LIMA1: variants seen among roughly 807,000 people sequenced by gnomAD.
LIMA1 encodes the protein LIM domain and actin binding 1.
LIMA1 carries 52 observed loss-of-function variants against 62.6 expected under a neutral mutation model. The observed-to-expected ratio is 0.83, with a 90% CI of 0.67 to 1.05. The LOEUF (loss-of-function observed/expected upper bound fraction) is 1.05. LIMA1 is among the 50% of genes least tolerant of loss of function. The pLI is 0.00. For synonymous variants in LIMA1, 302 were observed against 317.8 expected (o/e 0.95, Z 0.53); for missense variants, 780 against 902.2 (o/e 0.86, Z 1.74).
At chr12:50,178,725 A>C (rs568120222) in intron 10 of LIMA1, among the ~76,000 whole-genome samples, 1 of 152,038 alleles carries the variant, frequency 6.6e-6, no homozygotes, top group East Asian at 1.9e-4. Flanking sequence ...TTTGCGAGTG[A>C]TAATCTTCCT....
intron 5 of LIMA1, among the ~76,000 whole-genome samples, chr12:50,205,332 C>G (rs1941131798): frequency 6.6e-6 from 1 of 151,708 alleles, no homozygotes; most frequent in Non-Finnish European, 1.5e-5. Flanking sequence ...CTCAGCCTCC[C>G]TAAGTGCTGA....
chr12:50,277,183 A>G (rs1171078710), intron 1 of LIMA1, among the ~76,000 whole-genome samples: 1 of 152,056 alleles, frequency 6.6e-6, no homozygotes, highest in Non-Finnish European at 1.5e-5. Flanking sequence ...AGTCTATGGG[A>G]GTGCCTAAAA....
chr12:50,217,261 T>A (rs1941359323), intron 4 of LIMA1, among the ~76,000 whole-genome samples: 1 of 152,046 alleles, frequency 6.6e-6, no homozygotes, highest in African/African-American at 2.4e-5. Context: ...ACAGGTGTAT[T>A]CCCTTCAGAA....
intron 1 of LIMA1, among the ~76,000 whole-genome samples, chr12:50,280,635 T>C (rs1380924467): frequency 6.6e-6 from 1 of 152,204 alleles, no homozygotes; most frequent in African/African-American, 2.4e-5. Context: ...TCCATCCTTT[T>C]TATGAAAAGA....
chr12:50,178,966 A>ATTTTTTTTTTT (rs1555203081), intron 10 of LIMA1, among the ~76,000 whole-genome samples: 4 of 128,930 alleles, frequency 3.1e-5, no homozygotes, highest in Non-Finnish European at 5.3e-5. Context: ...ATATATATAT[A>ATTTTTTTTTTT]TTTTTTTTTT....
At chr12:50,269,454 AT>A (rs1389394656) in intron 1 of LIMA1, among the ~76,000 whole-genome samples, 3 of 152,158 alleles carry the variant, frequency 2.0e-5, no homozygotes, top group Admixed American at 6.5e-5. Context: ...CGTACATGAT[AT>A]TTCAGGGTCA....
intron 6 of LIMA1, among the ~76,000 whole-genome samples, chr12:50,204,078 G>T (rs545486685): frequency 1.3e-5 from 2 of 152,056 alleles, no homozygotes; most frequent in Non-Finnish European, 2.9e-5. Flanking sequence ...TTTATATTAT[G>T]TGAGTTATAT....
intron 7 of LIMA1, among the ~76,000 whole-genome samples, chr12:50,197,320 T>C (rs1041012605): frequency 6.6e-6 from 1 of 152,138 alleles, no homozygotes; most frequent in Non-Finnish European, 1.5e-5. Flanking sequence ...TCTGCCCACC[T>C]TGGCCTCCCA....
intron 4 of LIMA1, among the ~76,000 whole-genome samples, chr12:50,220,749 C>T (rs1002687262): frequency 2.0e-5 from 3 of 152,052 alleles, no homozygotes; most frequent in Non-Finnish European, 4.4e-5. Flanking sequence ...TAAATTAAAA[C>T]CATAAAGGGG....
chr12:50,233,532 T>G (rs544779487), intron 2 of LIMA1, among the ~76,000 whole-genome samples: 2 of 152,350 alleles, frequency 1.3e-5, no homozygotes, highest in African/African-American at 4.8e-5. Flanking sequence ...TACATGGTTT[T>G]GTTTTGTTTG....
intron 3 of LIMA1, among the ~76,000 whole-genome samples, chr12:50,228,475 T>A (rs1941564677): frequency 6.6e-6 from 1 of 152,198 alleles, no homozygotes; most frequent in Non-Finnish European, 1.5e-5. Flanking sequence ...TAGAAACACT[T>A]TCTTCACTCG....
chr12:50,191,629 G>A (rs1332454216), intron 9 of LIMA1, among the ~76,000 whole-genome samples: 6 of 151,996 alleles, frequency 3.9e-5, no homozygotes, highest in African/African-American at 7.3e-5. Flanking sequence ...AGACCATCCC[G>A]GCTAACACGG....
At chr12:50,194,421 T>C (rs1359611268) in intron 8 of LIMA1, among the ~76,000 whole-genome samples, 1 of 152,074 alleles carries the variant, frequency 6.6e-6, no homozygotes, top group East Asian at 1.9e-4. Flanking sequence ...CTCAGTGTCC[T>C]GAGTAGCTGG....
At chr12:50,221,278 G>A (rs1216559005) in intron 4 of LIMA1, among the ~76,000 whole-genome samples, 1 of 152,134 alleles carries the variant, frequency 6.6e-6, no homozygotes, top group Admixed American at 6.6e-5. Flanking sequence ...ATATAGGAAA[G>A]TATGAGAAAA....
At chr12:50,245,143 A>T (rs1316207854) in intron 2 of LIMA1, among the ~76,000 whole-genome samples, 4 of 152,184 alleles carry the variant, frequency 2.6e-5, no homozygotes, top group African/African-American at 9.7e-5. Context: ...GGTTGGGCAC[A>T]GTGGTTCACA....
At chr12:50,237,747 G>A (rs1016102262) in intron 2 of LIMA1, among the ~76,000 whole-genome samples, 1 of 152,110 alleles carries the variant, frequency 6.6e-6, no homozygotes, top group Non-Finnish European at 1.5e-5. Flanking sequence ...CAGATATACA[G>A]ACCAATGGAA....
At chr12:50,275,560 C>G (rs970132385) in intron 1 of LIMA1, among the ~76,000 whole-genome samples, 40 of 151,914 alleles carry the variant, frequency 2.6e-4, no homozygotes, top group African/African-American at 7.5e-4. Context: ...ACTGGGGAGG[C>G]AGCCACTGAT....
intron 1 of LIMA1, among the ~76,000 whole-genome samples, chr12:50,260,141 G>C (rs1002760047): frequency 6.7e-6 from 1 of 150,022 alleles, no homozygotes; most frequent in Non-Finnish European, 1.5e-5. Flanking sequence ...TCCACTCCTA[G>C]AGTTTCTTTT....
chr12:50,197,198 G>A (rs1389388213), intron 7 of LIMA1, among the ~76,000 whole-genome samples: 1 of 151,420 alleles, frequency 6.6e-6, no homozygotes, highest in Non-Finnish European at 1.5e-5. Context: ...AGCCTCCCGA[G>A]TAGCTGGGAT....
Sources: allele counts gnomAD v4.1 joint callset (sites outside exome capture counted in the v4.1 genomes callset), GRCh38; gene constraint gnomAD v4.1.1; transcripts MANE v1.5; gene names NCBI Gene and HGNC (gene_info 2026-07-23, HGNC 2026-07-21).